NSMAF: variants seen among roughly 807,000 people sequenced by gnomAD.
NSMAF encodes the protein protein FAN.
In NSMAF, 90 loss-of-function variants were observed where a neutral mutation model predicts 134.9. That is an observed-to-expected ratio of 0.67 (90% CI 0.56 to 0.79). NSMAF has a LOEUF of 0.79. Among genes scored for constraint, NSMAF ranks in the 30% least tolerant of loss-of-function variants. The pLI is 0.00. For missense variants in NSMAF, 1,010 were observed against 1,119.0 expected, an observed-to-expected ratio of 0.90 and a Z score of 1.39; for synonymous variants, 358 against 389.6, an observed-to-expected ratio of 0.92 and a Z score of 0.96.
intron 1 of NSMAF, among the ~76,000 whole-genome samples, chr8:58,647,147 T>C (rs983184996): frequency 2.0e-5 from 3 of 152,200 alleles, no homozygotes; most frequent in Non-Finnish European, 4.4e-5. Flanking sequence ...CCCAAACTTA[T>C]TGGGAGGAAG....
intron 7 of NSMAF, 126 bp from the exon 8 acceptor site, chr8:58,623,550 C>A: frequency 9.2e-7 from 1 of 1,090,272 alleles, no homozygotes. Context: ...ATACCTATGG[C>A]TTCTTCCTAA....
intron 2 of NSMAF, among the ~76,000 whole-genome samples, chr8:58,640,804 G>A (rs1228209717): frequency 4.0e-5 from 6 of 151,358 alleles, no homozygotes; most frequent in South Asian, 2.1e-4. Flanking sequence ...ACAAGAGATC[G>A]TACTGTACTG....
chr8:58,621,454 T>A (rs1178459447), intron 9 of NSMAF, among the ~76,000 whole-genome samples: 1 of 152,208 alleles, frequency 6.6e-6, no homozygotes, highest in Non-Finnish European at 1.5e-5. Flanking sequence ...AACAATTTAT[T>A]TTCCATTGGG....
chr8:58,610,908 T>C (rs1031571233), intron 9 of NSMAF, among the ~76,000 whole-genome samples: 3 of 152,110 alleles, frequency 2.0e-5, no homozygotes, highest in East Asian at 1.9e-4. Flanking sequence ...CTCAATAGAG[T>C]TGTAGGCAGT....
At chr8:58,623,823 G>A (rs779089371) in intron 6 of NSMAF, 43 bp from the exon 7 acceptor site, 13 of 1,503,222 alleles carry the variant, frequency 8.6e-6, no homozygotes, top group Non-Finnish European at 1.2e-5. Context: ...AAGAGAAGAA[G>A]TGTGCCAAAC....
At chr8:58,641,413 T>C (rs983767007) in intron 2 of NSMAF, among the ~76,000 whole-genome samples, 1 of 152,214 alleles carries the variant, frequency 6.6e-6, no homozygotes, top group Non-Finnish European at 1.5e-5. Flanking sequence ...CCTTCCCCTC[T>C]TCTGTGTAGA....
At chr8:58,616,473 T>C (rs1367767674) in intron 9 of NSMAF, among the ~76,000 whole-genome samples, 3 of 151,998 alleles carry the variant, frequency 2.0e-5, no homozygotes, top group Non-Finnish European at 4.4e-5. Context: ...ATCAATGTAA[T>C]TCAAAACATT....
chr8:58,635,156 C>G (rs773852533), intron 5 of NSMAF, 33 bp downstream of exon 5: 1 of 1,535,738 alleles, frequency 6.5e-7, no homozygotes, highest in East Asian at 2.3e-5. Flanking sequence ...AATGTTCATT[C>G]AGATTAGGAA....
intron 21 of NSMAF, 157 bp from the exon 22 acceptor site, chr8:58,595,816 C>A: frequency 1.8e-6 from 1 of 565,024 alleles, no homozygotes; most frequent in South Asian, 2.2e-5. Context: ...GATGGTTCCA[C>A]GTTAGTCAAG....
At position 58,601,546 on chromosome 8, in the gene NSMAF, GAAAAA is replaced by G. The variant is rs33942423; in HGVS notation, c.1126-16_1126-12del. 1.4e-6 allele frequency: 2 copies of G among 1,443,142 alleles called. No homozygotes were observed. The highest frequency in any genetic ancestry group is 1.8e-6 in the Non-Finnish European group (2 of 1,101,880). The allele number at this position is 1,443,142 out of a possible 1,614,324, so 89.4% of individuals were successfully genotyped here. A position where few individuals can be genotyped will look rare whatever the true frequency, so the allele number is the denominator to read the frequency against. On this transcript the variant is annotated splice_polypyrimidine_tract_variant and intron_variant, in intron 14 of 30. Transcript: ENST00000038176. ...TTCCTGGTAGCGTGTCTAGAATACA[GAAAAA>G]AAAAAAAAATAGAGCTAAGTGTTGG... is the stretch of plus-strand genomic sequence containing the variant.
chr8:58,600,652 G>C (rs754232437), intron 16 of NSMAF, among the ~76,000 whole-genome samples: 34 of 132,620 alleles, frequency 2.6e-4, no homozygotes, highest in Non-Finnish European at 4.7e-4. Flanking sequence ...AAAAAGATTA[G>C]CACCACTATC....
chr8:58,625,394 A>ATATGTATGTATGTATG (rs1554576320), intron 6 of NSMAF, among the ~76,000 whole-genome samples: 7 of 151,650 alleles, frequency 4.6e-5, no homozygotes, highest in African/African-American at 9.7e-5. Flanking sequence ...ATGTATATGC[A>ATATGTATGTATGTATG]TATGTATGTA....
At chr8:58,649,298 C>A (rs1807529301) in intron 1 of NSMAF, among the ~76,000 whole-genome samples, 1 of 152,206 alleles carries the variant, frequency 6.6e-6, no homozygotes. Flanking sequence ...TTACCCAATG[C>A]CTGTACCACC....
intron 6 of NSMAF, among the ~76,000 whole-genome samples, chr8:58,625,394 A>ATATGTATGTATGTATGTATG (rs1554576320): frequency 8.9e-4 from 135 of 151,646 alleles, no homozygotes; most frequent in Middle Eastern, 3.4e-3. Context: ...ATGTATATGC[A>ATATGTATGTATGTATGTATG]TATGTATGTA....
chr8:58,632,493 A>T (rs1050497486), intron 5 of NSMAF, among the ~76,000 whole-genome samples: 2 of 152,096 alleles, frequency 1.3e-5, no homozygotes, highest in African/African-American at 4.8e-5. Context: ...TTCCTGAAGC[A>T]GTTTTCCACA....
At chr8:58,650,891 C>A (rs950951844) in intron 1 of NSMAF, among the ~76,000 whole-genome samples, 3 of 152,214 alleles carry the variant, frequency 2.0e-5, no homozygotes, top group Non-Finnish European at 4.4e-5. Context: ...ATTGCCACTT[C>A]CTGTTTTCCC....
At chr8:58,595,458 G>A in intron 22 of NSMAF, 102 bp downstream of exon 22, 1 of 759,116 alleles carries the variant, frequency 1.3e-6, no homozygotes, top group East Asian at 2.6e-5. Flanking sequence ...CATTGAAAGG[G>A]AATTTTCCCT....
rs1188833915 is a variant in NSMAF, at chr8:58,599,964, G to A, written c.1332+6C>T. 6.2e-7 allele frequency: 1 copy of A among 1,613,742 alleles called. No individual in the cohort carries two copies. Among genetic ancestry groups the A allele is most frequent in the Non-Finnish European group, 8.5e-7 (1 of 1,179,756 alleles). On this transcript the variant is annotated splice_donor_region_variant and intron_variant, in intron 17 of 30. Transcript: ENST00000038176. ...CAGTTACTCATCAGCTTTATTAACT[G>A]CTTACCTCTTTAAAATCCGTTGCAC...
At chr8:58,635,578 G>A (rs1206527571) in intron 2 of NSMAF, 32 bp from the exon 3 acceptor site, 4 of 1,324,202 alleles carry the variant, frequency 3.0e-6, no homozygotes, top group South Asian at 2.6e-5. Context: ...ATTGTTTGAT[G>A]AGCATAACAA....
Sources: gnomAD v4.1 joint callset for allele counts (sites outside exome capture counted in the v4.1 genomes callset) on GRCh38, gnomAD v4.1.1 for gene constraint, MANE v1.5 for transcripts, NCBI Gene and HGNC (gene_info 2026-07-23, HGNC 2026-07-21) for gene names.